Variants in NR2F1-AS1 observed in about 807,000 individuals in gnomAD.
NR2F1-AS1 encodes NR2F1 regulatory antisense RNA 1.
chr5:93,415,741 A>G (rs1748954263), intron 4 of NR2F1-AS1, among the ~76,000 whole-genome samples: 1 of 152,198 alleles, frequency 6.6e-6, no homozygotes, highest in Admixed American at 6.6e-5. Flanking sequence ...TCCACTGTTC[A>G]TGCATACACT....
intron 4 of NR2F1-AS1, among the ~76,000 whole-genome samples, chr5:93,476,498 T>C (rs1018153527): frequency 1.3e-5 from 2 of 152,216 alleles, no homozygotes; most frequent in South Asian, 2.1e-4. Context: ...ATTAACTAGT[T>C]TGACATGTGC....
At chr5:93,483,371 G>A (rs1264924304) in intron 4 of NR2F1-AS1, among the ~76,000 whole-genome samples, 1 of 152,130 alleles carries the variant, frequency 6.6e-6, no homozygotes, top group Non-Finnish European at 1.5e-5. Flanking sequence ...CTATTAGAAG[G>A]AAAACTAACA....
At chr5:93,488,742 T>A (rs1750776970) in intron 4 of NR2F1-AS1, among the ~76,000 whole-genome samples, 1 of 152,204 alleles carries the variant, frequency 6.6e-6, no homozygotes, top group African/African-American at 2.4e-5. Flanking sequence ...GCAATCCCAT[T>A]ACTGGGTATA....
At chr5:93,584,899 C>T, upstream of NR2F1-AS1, 1 of 146,758 alleles carries the variant, frequency 6.8e-6, no homozygotes, top group Non-Finnish European at 1.5e-5. Flanking sequence ...CCGGGGCGCC[C>T]GGCGGGCCCC....
At chr5:93,578,920 T>C (rs1270472110) in intron 1 of NR2F1-AS1, among the ~76,000 whole-genome samples, 2 of 152,104 alleles carry the variant, frequency 1.3e-5, no homozygotes, top group Non-Finnish European at 2.9e-5. Context: ...AGTGTGCCAA[T>C]TGGGACCAGT....
intron 4 of NR2F1-AS1, among the ~76,000 whole-genome samples, chr5:93,476,363 T>G (rs1750484840): frequency 6.6e-6 from 1 of 152,126 alleles, no homozygotes; most frequent in South Asian, 2.1e-4. Context: ...CTTCTAATAA[T>G]AGATAAGAGT....
intron 4 of NR2F1-AS1, among the ~76,000 whole-genome samples, chr5:93,530,130 G>A (rs957189133): frequency 1.8e-4 from 27 of 146,156 alleles, no homozygotes; most frequent in Non-Finnish European, 3.4e-4. Flanking sequence ...GCCCAGGCTG[G>A]AGTGCAGTGG....
chr5:93,486,525 C>T (rs1483596590), intron 4 of NR2F1-AS1, among the ~76,000 whole-genome samples: 3 of 151,964 alleles, frequency 2.0e-5, no homozygotes, highest in Non-Finnish European at 4.4e-5. Flanking sequence ...ACACATACAC[C>T]CTCCCAAGAC....
At chr5:93,509,591 A>C (rs926879396) in intron 4 of NR2F1-AS1, among the ~76,000 whole-genome samples, 5 of 152,018 alleles carry the variant, frequency 3.3e-5, no homozygotes, top group Non-Finnish European at 5.9e-5. Flanking sequence ...GTAAAATGAG[A>C]CAGAATGGGA....
At chr5:93,451,282 T>C (rs903161694) in intron 4 of NR2F1-AS1, among the ~76,000 whole-genome samples, 5 of 143,054 alleles carry the variant, frequency 3.5e-5, no homozygotes, top group Non-Finnish European at 4.5e-5. Context: ...GAAAATACTA[T>C]CTAAGTCTAA....
At chr5:93,497,665 C>T (rs193011309) in intron 4 of NR2F1-AS1, among the ~76,000 whole-genome samples, 1 of 152,036 alleles carries the variant, frequency 6.6e-6, no homozygotes, top group Non-Finnish European at 1.5e-5. Flanking sequence ...ATATACTATC[C>T]TCAAAGTATA....
At chr5:93,505,655 C>G (rs1049171972) in intron 4 of NR2F1-AS1, among the ~76,000 whole-genome samples, 1 of 152,222 alleles carries the variant, frequency 6.6e-6, no homozygotes, top group Non-Finnish European at 1.5e-5. Flanking sequence ...GGCTTCCACC[C>G]TCTGAAGCCA....
intron 2 of NR2F1-AS1, among the ~76,000 whole-genome samples, chr5:93,562,725 C>T (rs770557431): frequency 7.2e-5 from 11 of 151,736 alleles, no homozygotes; most frequent in South Asian, 2.1e-4. Context: ...AAATATAATC[C>T]GTTAAATTAT....
At chr5:93,434,145 T>A (rs915409777) in intron 4 of NR2F1-AS1, among the ~76,000 whole-genome samples, 1 of 152,194 alleles carries the variant, frequency 6.6e-6, no homozygotes, top group Admixed American at 6.5e-5. Flanking sequence ...TTATTACCTA[T>A]AAAACTATTG....
intron 4 of NR2F1-AS1, among the ~76,000 whole-genome samples, chr5:93,458,732 G>A (rs368152210): frequency 5.3e-5 from 8 of 152,214 alleles, no homozygotes; most frequent in South Asian, 4.2e-4. Flanking sequence ...AGCACAGGCC[G>A]GGCGCAGTGG....
At chr5:93,414,489 G>A (rs904665859) in intron 4 of NR2F1-AS1, among the ~76,000 whole-genome samples, 11 of 152,222 alleles carry the variant, frequency 7.2e-5, no homozygotes, top group African/African-American at 2.7e-4. Context: ...GAACATGCCT[G>A]TAGAAGAGAA....
chr5:93,496,869 A>T (rs1750971589), intron 4 of NR2F1-AS1, among the ~76,000 whole-genome samples: 1 of 152,178 alleles, frequency 6.6e-6, no homozygotes, highest in Admixed American at 6.6e-5. Flanking sequence ...AAAAGAAAGA[A>T]TCCATGCAGC....
intron 4 of NR2F1-AS1, among the ~76,000 whole-genome samples, chr5:93,551,466 A>C (rs1369469059): frequency 2.6e-5 from 4 of 152,112 alleles, no homozygotes; most frequent in African/African-American, 9.7e-5. Flanking sequence ...CATATTACTA[A>C]AGGGGTAATG....
Position 93,529,421 on chromosome 5 carries a change from T to C in NR2F1-AS1, n.638+24340A>G, listed in dbSNP as rs553571251. 5.3e-5 allele frequency among the ~76,000 whole-genome samples: 8 copies of C among 152,240 alleles called. No homozygotes were observed. In the East Asian group the frequency reaches 1.4e-3, roughly 26 times the overall value. On this transcript the variant is annotated intron_variant and non_coding_transcript_variant, in intron 4 of 5. Coordinates refer to ENST00000660523, the Ensembl canonical transcript of NR2F1-AS1. ...TTGGATTACAGACATAGTGAAAAATTTGGTAATCATCTTAATTGAAGCAGA... is the reference window on the plus strand; with the variant it reads ...TTGGATTACAGACATAGTGAAAAATCTGGTAATCATCTTAATTGAAGCAGA...
Sources: allele counts gnomAD v4.1 joint callset (sites outside exome capture counted in the v4.1 genomes callset), GRCh38; gene constraint gnomAD v4.1.1; transcripts MANE v1.5; gene names NCBI Gene and HGNC (gene_info 2026-07-23, HGNC 2026-07-21).